SIK3: variants seen among roughly 807,000 people sequenced by gnomAD.
SIK3 encodes SIK family kinase 3.
In SIK3, 28 loss-of-function variants were observed where a neutral mutation model predicts 144.2. The observed-to-expected ratio is 0.19, with a 90% CI of 0.14 to 0.27. The LOEUF (loss-of-function observed/expected upper bound fraction) is 0.27. SIK3 is among the 10% of genes least tolerant of loss of function. SIK3 has a pLI of 1.00. For synonymous variants in SIK3, 686 were observed against 676.3 expected (o/e 1.01, Z -0.22); for missense variants, 1,319 against 1,776.0 (o/e 0.74, Z 4.62).
chr11:116,911,700 A>G (rs1239983938), intron 4 of SIK3, among the ~76,000 whole-genome samples: 1 of 152,242 alleles, frequency 6.6e-6, no homozygotes, highest in African/African-American at 2.4e-5. Flanking sequence ...AATTTTCTAT[A>G]GTATGCTTAC....
At chr11:117,051,121 A>G (rs1177380690) in intron 1 of SIK3, among the ~76,000 whole-genome samples, 3 of 152,176 alleles carry the variant, frequency 2.0e-5, no homozygotes, top group East Asian at 3.8e-4. Context: ...ACCCAGAGAG[A>G]GCAAACGGCA....
At chr11:116,908,399 A>T (rs2134917506) in intron 4 of SIK3, among the ~76,000 whole-genome samples, 1 of 152,280 alleles carries the variant, frequency 6.6e-6, no homozygotes, top group South Asian at 2.1e-4. Flanking sequence ...GGATTGCCTG[A>T]GCCTAGGAAG....
intron 1 of SIK3, among the ~76,000 whole-genome samples, chr11:116,985,615 T>C (rs1049995263): frequency 6.6e-6 from 1 of 152,188 alleles, no homozygotes; most frequent in African/African-American, 2.4e-5. Context: ...GAAATAACCT[T>C]CATGTATGTC....
intron 3 of SIK3, among the ~76,000 whole-genome samples, chr11:116,944,740 G>A (rs1948493968): frequency 6.6e-6 from 1 of 152,126 alleles, no homozygotes; most frequent in Non-Finnish European, 1.5e-5. Context: ...TGAATTTTGT[G>A]AATCCTTCTA....
chr11:116,921,131 C>CT (rs1054245361), intron 4 of SIK3, among the ~76,000 whole-genome samples: 21 of 152,310 alleles, frequency 1.4e-4, no homozygotes, highest in African/African-American at 4.6e-4. Flanking sequence ...GAATCCTACT[C>CT]TTTTCCCAGC....
rs747870012 is a variant in SIK3 at position 116,875,426 on chromosome 11, T to A, written c.1265A>T (p.Asn422Ile). The part of the protein sequence containing the change: ...IQAEQAGTAM[N>I]ISVPQVQLIN... ...CAGCTGCACCTGGGGAACGCTGATGTTCATAGCAGTACCTGCCTGCTCCGC... is the reference window on the plus strand; with the variant it reads ...CAGCTGCACCTGGGGAACGCTGATGATCATAGCAGTACCTGCCTGCTCCGC... Residue 422 changes from asparagine to isoleucine, a missense_variant, in exon 10 of 25, where the codon AAC becomes ATC. Physicochemically the swap from Asn to Ile is moderately radical, Grantham distance 149. Around this residue, in one of 8 missense-constraint regions of SIK3, gnomAD observed 109 missense variants for 109.3 expected, o/e 1.00. Transcript: ENST00000445177. 15 of 1,614,070 alleles carry A rather than the reference T, an allele frequency of 9.3e-6. No individual in the cohort carries two copies. The Admixed American group carries it at 1.7e-4, about 18-fold the overall frequency.
intron 1 of SIK3, among the ~76,000 whole-genome samples, chr11:117,042,452 C>T (rs974435316): frequency 6.6e-6 from 1 of 152,222 alleles, no homozygotes; most frequent in African/African-American, 2.4e-5. Context: ...GCATTAGAAG[C>T]ATTTGAGGAA....
At chr11:116,998,754 G>C (rs187423591) in intron 1 of SIK3, among the ~76,000 whole-genome samples, 2 of 152,124 alleles carry the variant, frequency 1.3e-5, no homozygotes, top group Non-Finnish European at 2.9e-5. Context: ...CTAGTGCTCT[G>C]CTCTTTCCAC....
intron 3 of SIK3, chr11:116,950,036 T>G (rs1326593888): frequency 1.3e-5 from 6 of 457,122 alleles, no homozygotes; most frequent in Admixed American, 9.5e-5. Flanking sequence ...CAGCCTGGGG[T>G]CCTCTCAGCT....
intron 4 of SIK3, among the ~76,000 whole-genome samples, chr11:116,912,245 T>C (rs998757785): frequency 6.6e-6 from 1 of 152,210 alleles, no homozygotes; most frequent in Non-Finnish European, 1.5e-5. Flanking sequence ...TTTTGAGACT[T>C]GGAATTCTTT....
At chr11:116,965,919 A>G (rs1397496332) in intron 1 of SIK3, among the ~76,000 whole-genome samples, 48 of 149,530 alleles carry the variant, frequency 3.2e-4, no homozygotes, top group Non-Finnish European at 6.7e-4. Flanking sequence ...TGGGTGACAG[A>G]GCAAGACTCC....
chr11:116,883,654 C>A (rs1944660863), intron 6 of SIK3, among the ~76,000 whole-genome samples: 1 of 152,130 alleles, frequency 6.6e-6, no homozygotes, highest in Admixed American at 6.6e-5. Context: ...GACATTTGGG[C>A]CCGGCATGGT....
At chr11:116,981,705 T>C (rs139896195) in intron 1 of SIK3, among the ~76,000 whole-genome samples, 10 of 152,280 alleles carry the variant, frequency 6.6e-5, no homozygotes, top group Non-Finnish European at 1.2e-4. Context: ...TAAAAGTCTT[T>C]AAGGCCTGAC....
Position 116,845,134 on chromosome 11 carries a change from T to C in SIK3, c.*509A>G, listed in dbSNP as rs959336174. ...TAGGATTCCAGAGGATGGCATCCTT[T>C]AGTATTTGCTTTCACAGAAGAGCAA... On this transcript the variant is annotated 3_prime_UTR_variant, in exon 25 of 25. Coordinates refer to ENST00000445177, the MANE Select transcript of SIK3 (RefSeq NM_001366686.3). 2 of 152,114 alleles carry C rather than the reference T, an allele frequency of 1.3e-5. No homozygotes were observed. Among genetic ancestry groups the C allele is most frequent in the African/African-American group, 4.8e-5 (2 of 41,432 alleles). The allele number at this position is 152,114 out of a possible 1,614,324, so 9.4% of individuals were successfully genotyped here.
chr11:116,860,385 G>A (rs1943254907), intron 19 of SIK3, among the ~76,000 whole-genome samples: 1 of 152,100 alleles, frequency 6.6e-6, no homozygotes, highest in South Asian at 2.1e-4. Context: ...GGATCCTAGG[G>A]AGACTGACTA....
At chr11:116,947,791 C>T (rs1948745218) in intron 3 of SIK3, among the ~76,000 whole-genome samples, 1 of 151,798 alleles carries the variant, frequency 6.6e-6, no homozygotes, top group Non-Finnish European at 1.5e-5. Context: ...GGTCTCATCT[C>T]CTGACCTCGT....
chr11:116,969,244 G>A (rs1276218008), intron 1 of SIK3, among the ~76,000 whole-genome samples: 2 of 140,998 alleles, frequency 1.4e-5, no homozygotes, highest in Non-Finnish European at 3.0e-5. Flanking sequence ...GAGCCGAGAT[G>A]GCACCACCGC....
At chr11:116,911,398 T>C (rs1022398776) in intron 4 of SIK3, among the ~76,000 whole-genome samples, 2 of 152,032 alleles carry the variant, frequency 1.3e-5, no homozygotes, top group South Asian at 2.1e-4. Flanking sequence ...TCCCAGCTAC[T>C]TGGGAGGCTG....
At chr11:116,881,321 C>T (rs1012220302) in intron 6 of SIK3, among the ~76,000 whole-genome samples, 17 of 152,034 alleles carry the variant, frequency 1.1e-4, no homozygotes, top group African/African-American at 3.6e-4. Flanking sequence ...CCATGCAAGA[C>T]GCCAAGCGGT....
Sources: allele counts gnomAD v4.1 joint callset (sites outside exome capture counted in the v4.1 genomes callset), GRCh38; gene constraint gnomAD v4.1.1; regional missense constraint gnomAD v4.1.1; transcripts MANE v1.5; gene names NCBI Gene and HGNC (gene_info 2026-07-23, HGNC 2026-07-21).